PCNX2: variants seen among roughly 807,000 people sequenced by gnomAD.
PCNX2 encodes pecanex-like protein 2.
Under a neutral mutation model 223.8 loss-of-function variants are expected in PCNX2, and 168 were observed. That is an observed-to-expected ratio of 0.75 (90% confidence interval 0.66 to 0.85). The LOEUF is 0.85. Ranked by LOEUF, PCNX2 falls within the 40% of genes least tolerant of loss-of-function variation. The pLI, the probability that PCNX2 is intolerant of heterozygous loss-of-function variation, is 0.00. For synonymous variants in PCNX2, 1,006 were observed against 1,052.6 expected (o/e 0.96, Z 0.86); for missense variants, 2,507 against 2,675.5 (o/e 0.94, Z 1.39).
At position 233,144,959 on chromosome 1, in the gene PCNX2, T is replaced by G. The variant is rs1169737795; in HGVS notation, c.3518-5104A>C. Among the ~76,000 whole-genome samples, 374 of 120,258 alleles carry G rather than the reference T, an allele frequency of 3.1e-3. 3 individuals carry two copies. Among genetic ancestry groups the G allele is most frequent in the Admixed American group, 5.6e-3 (67 of 11,992 alleles). The allele number at this position is 120,258 out of a possible 152,430, so 78.9% of individuals were successfully genotyped here. On this transcript the variant is annotated intron_variant, in intron 19 of 33. Transcript: ENST00000258229. ...TTGTTGTTGTTGTTGTTTTGTTTTT[T>G]TTTTTTGTTTCTTTTTTTTTTTTGA...
At chr1:233,147,889 G>C (rs1677556918) in intron 19 of PCNX2, among the ~76,000 whole-genome samples, 1 of 152,136 alleles carries the variant, frequency 6.6e-6, no homozygotes, top group Non-Finnish European at 1.5e-5. Context: ...CTCTACGTTG[G>C]ACTTTTGAAG....
chr1:233,295,754 G>GGCTGCTCAGAGGTT (rs1662058892), upstream of PCNX2: 4 of 336,706 alleles, frequency 1.2e-5, no homozygotes, highest in Non-Finnish European at 2.1e-5. This position sits in a 1 kb window ranked among gnomAD's most constrained non-coding sequence, Gnocchi z 4.1. Context: ...GCTCAGAGGC[G>GGCTGCTCAGAGGTT]GCTGCTCAGA....
At position 233,186,889 on chromosome 1, in the gene PCNX2, G is replaced by C. The variant is rs1558322209; in HGVS notation, c.3067-7714C>G. ...GCTACATGGATAAATACATAGAAAT[G>C]CACACACACACACACACACAAATAC... On this transcript the variant is annotated intron_variant, in intron 15 of 33. Coordinates refer to ENST00000258229, the MANE Select transcript of PCNX2 (RefSeq NM_014801.4). Among the ~76,000 whole-genome samples the C allele has an allele frequency of 2.0e-5, 3 of 149,932 alleles. No homozygotes were observed. In the East Asian group the frequency reaches 5.9e-4, roughly 29 times the overall value.
the PCNX2 span, among the ~76,000 whole-genome samples, chr1:233,323,855 G>A: frequency 1.1e-4 from 16 of 152,170 alleles, no homozygotes; most frequent in Non-Finnish European, 2.9e-5. Flanking sequence ...TCACTTTAAA[G>A]CAAAAGCTAG....
At chr1:233,112,709 T>TGGTGGTCGC in intron 21 of PCNX2, 1 of 567,780 alleles carries the variant, frequency 1.8e-6, no homozygotes, top group Non-Finnish European at 2.2e-6. Flanking sequence ...GTGTAGATCT[T>TGGTGGTCGC]TGAACAATAT....
At chr1:233,244,490 A>C (rs1658983356) in intron 8 of PCNX2, among the ~76,000 whole-genome samples, 2 of 152,088 alleles carry the variant, frequency 1.3e-5, no homozygotes, top group Non-Finnish European at 2.9e-5. Flanking sequence ...AGGGCAAATC[A>C]CTTTGAGGCC....
At chr1:233,176,546 G>A (rs946214528) in intron 17 of PCNX2, among the ~76,000 whole-genome samples, 1 of 152,220 alleles carries the variant, frequency 6.6e-6, no homozygotes, top group Non-Finnish European at 1.5e-5. Flanking sequence ...CATCAGGAGG[G>A]CAGGTTGGCT....
chr1:233,262,889 T>TA (rs911584774), intron 2 of PCNX2, 69 bp downstream of exon 2: 6 of 1,488,896 alleles, frequency 4.0e-6, no homozygotes, highest in East Asian at 2.3e-5. Flanking sequence ...TAAACACTGA[T>TA]AAAAAACTTA....
intron 21 of PCNX2, among the ~76,000 whole-genome samples, chr1:233,125,452 C>A (rs893791465): frequency 1.3e-5 from 2 of 152,206 alleles, no homozygotes; most frequent in East Asian, 3.9e-4. Context: ...GCTTCTAAAA[C>A]ACTCACATGC....
At chr1:233,104,673 A>G (rs1674664100) in intron 21 of PCNX2, among the ~76,000 whole-genome samples, 2 of 152,168 alleles carry the variant, frequency 1.3e-5, no homozygotes, top group Admixed American at 6.5e-5. Context: ...CATCTAAGAG[A>G]TATGTATATT....
chr1:233,182,565 A>G (rs1320583659), intron 15 of PCNX2, among the ~76,000 whole-genome samples: 1 of 151,896 alleles, frequency 6.6e-6, no homozygotes, highest in Admixed American at 6.5e-5. Context: ...CTCATTACCA[A>G]CCAAATGAAA....
chr1:233,060,204 C>A (rs4649286), intron 23 of PCNX2, among the ~76,000 whole-genome samples: 152,348 of 152,348 alleles, frequency 1, 76,174 homozygotes, highest in Non-Finnish European at 1. Context: ...AGCAGAAAAT[C>A]CAGCAACCAA....
intron 12 of PCNX2, among the ~76,000 whole-genome samples, chr1:233,211,100 G>A (rs369465247): frequency 6.6e-6 from 1 of 152,148 alleles, no homozygotes; most frequent in African/African-American, 2.4e-5. Flanking sequence ...GTTGTGAAGT[G>A]GGGAGAAAGG....
At chr1:233,290,422 G>A (rs918920926) in intron 1 of PCNX2, among the ~76,000 whole-genome samples, 1 of 152,180 alleles carries the variant, frequency 6.6e-6, no homozygotes, top group African/African-American at 2.4e-5. Context: ...AGAGTAAAAT[G>A]TTCATGGGGT....
Position 233,167,773 on chromosome 1 carries a change from T to C in PCNX2, c.3274-6410A>G, listed in dbSNP as rs1057428414. 4.1e-6 allele frequency: 4 copies of C among 984,846 alleles called. No homozygotes were observed. The African/African-American group carries it at 5.2e-5, about 13-fold the overall frequency. 61.0% of individuals were successfully genotyped at this position (984,846 alleles called of 1,614,324 possible). On this transcript the variant is annotated intron_variant, in intron 17 of 33. Coordinates refer to ENST00000258229, the MANE Select transcript of PCNX2 (RefSeq NM_014801.4). ...AACTTCAGAGCTTGCTACTGTGTCC[T>C]GTGAAAGCAGCCTTTAATAAGCTCT... is the stretch of plus-strand genomic sequence containing the variant.
At chr1:233,133,765 C>T (rs1238279524) in intron 21 of PCNX2, among the ~76,000 whole-genome samples, 1 of 152,038 alleles carries the variant, frequency 6.6e-6, no homozygotes, top group East Asian at 1.9e-4. Flanking sequence ...GAGGATGGGG[C>T]AGGAGGATCA....
At chr1:233,298,917 AG>A (rs1662214563), upstream of PCNX2, among the ~76,000 whole-genome samples, 1 of 152,228 alleles carries the variant, frequency 6.6e-6, no homozygotes, top group African/African-American at 2.4e-5. Flanking sequence ...CAAAAAACTA[AG>A]TATGCTTCTT....
intron 21 of PCNX2, among the ~76,000 whole-genome samples, chr1:233,129,579 C>T (rs970957405): frequency 1.3e-5 from 2 of 152,242 alleles, no homozygotes; most frequent in African/African-American, 4.8e-5. Context: ...GCCAGCTAGG[C>T]TCCTGAGTCT....
At chr1:233,160,868 C>A (rs1022594791) in intron 18 of PCNX2, among the ~76,000 whole-genome samples, 2 of 152,166 alleles carry the variant, frequency 1.3e-5, no homozygotes, top group Non-Finnish European at 2.9e-5. Flanking sequence ...AACTGAAAAT[C>A]CTTTTCCCAT....
Sources: gnomAD v4.1 joint callset for allele counts (sites outside exome capture counted in the v4.1 genomes callset) on GRCh38, gnomAD v4.1.1 for gene constraint, Gnocchi (gnomAD v3.1) non-coding constraint, MANE v1.5 for transcripts, NCBI Gene and HGNC (gene_info 2026-07-23, HGNC 2026-07-21) for gene names.